The following HYDIN variants were observed in gnomAD, a reference collection of about 807,000 sequenced individuals.
HYDIN encodes axonemal central pair apparatus protein HYDIN.
In HYDIN, 132 loss-of-function variants were observed where a neutral mutation model predicts 403.9. The observed-to-expected ratio is 0.33, with a 90% confidence interval of 0.28 to 0.38. The LOEUF is 0.38. HYDIN is among the 10% of genes least tolerant of loss of function. HYDIN has a pLI of 1.00. For synonymous variants in HYDIN, 1,202 were observed against 1,891.7 expected, an observed-to-expected ratio of 0.64 and a Z score of 9.46; for missense variants, 2,827 against 5,009.5, an observed-to-expected ratio of 0.56 and a Z score of 13.15.
chr16:71,116,230 CTTT>C (rs3051996), intron 9 of HYDIN, among the ~76,000 whole-genome samples: 43 of 97,832 alleles, frequency 4.4e-4, no homozygotes, highest in African/African-American at 1.7e-3. Flanking sequence ...TGAGTTAGAC[CTTT>C]TTTTTTTTTT....
chr16:71,177,818 T>C (rs1260300384), intron 4 of HYDIN, among the ~76,000 whole-genome samples: 1 of 152,248 alleles, frequency 6.6e-6, no homozygotes, highest in African/African-American at 2.4e-5. Flanking sequence ...TGCATTACTT[T>C]CTTTCATTAT....
At chr16:71,200,405 C>T (rs2087936702) in intron 1 of HYDIN, among the ~76,000 whole-genome samples, 1 of 152,144 alleles carries the variant, frequency 6.6e-6, no homozygotes, top group Non-Finnish European at 1.5e-5. Context: ...CAGGAAGTGC[C>T]CAGGACTAGT....
chr16:71,048,165 C>G (rs1375289995), intron 18 of HYDIN, among the ~76,000 whole-genome samples: 1 of 151,242 alleles, frequency 6.6e-6, no homozygotes, highest in African/African-American at 2.4e-5. Flanking sequence ...CTGGAATTAA[C>G]AGGATCTCAT....
At chr16:70,991,973 G>A (rs2079367558) in intron 24 of HYDIN, 97 bp downstream of exon 24, 7 of 1,582,128 alleles carry the variant, frequency 4.4e-6, no homozygotes, top group Non-Finnish European at 4.3e-6. Context: ...ACTGGGTACT[G>A]GATGAATGAA....
rs1487779750 is a variant in HYDIN at position 70,922,807 on chromosome 16, A to C, written c.7159-1590T>G. Reference sequence around the variant, plus strand: ...AACCTTTTTTTTTTTTTTTTTTTTTAGACAAGTTGGAGTGTAGTGGTATGA... The same window carrying C: ...AACCTTTTTTTTTTTTTTTTTTTTTCGACAAGTTGGAGTGTAGTGGTATGA... On this transcript the variant is annotated intron_variant, in intron 45 of 85. Transcript: ENST00000393567. Among the ~76,000 whole-genome samples, 4 of 74,894 alleles carry C rather than the reference A, an allele frequency of 5.3e-5. No homozygotes were observed. In the Admixed American group the frequency reaches 6.0e-4, roughly 11 times the overall value. 49.1% of individuals were successfully genotyped at this position (74,894 alleles called of 152,430 possible).
chr16:71,103,820 C>G (rs2083528237), intron 10 of HYDIN, among the ~76,000 whole-genome samples: 2 of 152,066 alleles, frequency 1.3e-5, no homozygotes, highest in African/African-American at 4.8e-5. Context: ...TCAATTAAAT[C>G]TATAGATGAA....
intron 9 of HYDIN, among the ~76,000 whole-genome samples, chr16:71,124,597 CTG>C (rs1489889440): frequency 6.6e-6 from 1 of 151,070 alleles, no homozygotes; most frequent in African/African-American, 2.4e-5. Context: ...AGATATAGGT[CTG>C]AGAAAATAAG....
At chr16:71,195,194 C>G (rs2087630125) in intron 1 of HYDIN, among the ~76,000 whole-genome samples, 1 of 151,678 alleles carries the variant, frequency 6.6e-6, no homozygotes, top group African/African-American at 2.4e-5. Context: ...AAAGACTTCA[C>G]TTTGCACAGT....
chr16:71,121,923 CAT>C (rs1315222441), intron 9 of HYDIN, among the ~76,000 whole-genome samples: 3 of 151,830 alleles, frequency 2.0e-5, no homozygotes, highest in Non-Finnish European at 2.9e-5. Context: ...CAAATTGACA[CAT>C]GACATGCAAA....
chr16:70,953,511 C>A lies in HYDIN; in HGVS notation c.6317-876G>T, dbSNP rs1435514505. On this transcript the variant is annotated intron_variant, in intron 40 of 85. Transcript: ENST00000393567. Reference sequence around the variant, plus strand: ...CTCTGGGGCCCTTTCCTTGACTTCCCTGACAGTCCCTGTGGCCCTGGCTCT... The same window carrying A: ...CTCTGGGGCCCTTTCCTTGACTTCCATGACAGTCCCTGTGGCCCTGGCTCT... Among the ~76,000 whole-genome samples the A allele has an allele frequency of 3.9e-5, 6 of 152,180 alleles. No homozygotes were observed. In the East Asian group the frequency reaches 1.2e-3, roughly 29 times the overall value.
chr16:70,880,956 T>C (rs371167875), intron 60 of HYDIN, among the ~76,000 whole-genome samples: 2,854 of 150,938 alleles, frequency 0.019, 41 homozygotes, highest in Middle Eastern at 0.082. Flanking sequence ...CTGGGTGTGG[T>C]GGCTCACTCT....
rs536962652 is a variant in HYDIN, at chr16:70,828,607, G to A, written c.14113-178C>T. ...GATAGAAAAATGTTCATATGTATCC[G>A]AGCCAGGAATCCTATCCCAGAGAGC... On this transcript the variant is annotated intron_variant, in intron 81 of 85. Coordinates refer to ENST00000393567, the MANE Select transcript of HYDIN (RefSeq NM_001270974.2). 7.7e-4 allele frequency among the ~76,000 whole-genome samples: 116 copies of A among 151,032 alleles called. 1 individual carries two copies. The highest frequency in any genetic ancestry group is 2.7e-3 in the African/African-American group (112 of 41,174).
chr16:70,865,869 A>T (rs1191312326), intron 67 of HYDIN, among the ~76,000 whole-genome samples: 135 of 151,122 alleles, frequency 8.9e-4, no homozygotes, highest in African/African-American at 3.2e-3. Flanking sequence ...GGCAAAAAGA[A>T]CAGATCCTGG....
chr16:70,820,074 C>T (rs1350550363), intron 83 of HYDIN, among the ~76,000 whole-genome samples: 1 of 149,874 alleles, frequency 6.7e-6, no homozygotes, highest in Non-Finnish European at 1.5e-5. Context: ...CCCGCCTCGG[C>T]CTCCCAAAGT....
chr16:71,178,320 G>A (rs1232031108), intron 4 of HYDIN, among the ~76,000 whole-genome samples: 1 of 151,438 alleles, frequency 6.6e-6, no homozygotes, highest in Non-Finnish European at 1.5e-5. Flanking sequence ...TGGGGAGGCT[G>A]AGGCAGGAGA....
chr16:70,870,932 G>C (rs2040055018), intron 65 of HYDIN, among the ~76,000 whole-genome samples: 3 of 151,790 alleles, frequency 2.0e-5, no homozygotes, highest in Admixed American at 6.6e-5. Context: ...TTGGGGGGCT[G>C]AGGTGGGAGA....
chr16:71,169,814 CA>C (rs971054481), intron 5 of HYDIN, among the ~76,000 whole-genome samples: 5 of 151,226 alleles, frequency 3.3e-5, no homozygotes, highest in Non-Finnish European at 5.9e-5. Context: ...GTTCTCACTA[CA>C]AAAAAAATTA....
At chr16:70,977,094 C>A (rs2078909997) in intron 30 of HYDIN, among the ~76,000 whole-genome samples, 2 of 152,054 alleles carry the variant, frequency 1.3e-5, no homozygotes, top group Admixed American at 6.6e-5. Context: ...AACCCCACCC[C>A]ACTGCTCTCC....
intron 1 of HYDIN, among the ~76,000 whole-genome samples, chr16:71,212,468 T>C (rs1261524933): frequency 1.3e-5 from 2 of 152,146 alleles, no homozygotes; most frequent in African/African-American, 4.8e-5. Context: ...TATGAAATCG[T>C]TTAAACAAAA....
Sources: gnomAD v4.1 joint callset for allele counts (sites outside exome capture counted in the v4.1 genomes callset) on GRCh38, gnomAD v4.1.1 for gene constraint, MANE v1.5 for transcripts, NCBI Gene and HGNC (gene_info 2026-07-23, HGNC 2026-07-21) for gene names.